Variants in NF1 observed in about 807,000 individuals in gnomAD.
NF1 encodes neurofibromin.
In NF1, 122 loss-of-function variants were observed where a neutral mutation model predicts 325.7. The ratio of observed to expected loss-of-function variants is 0.37; its 90% CI spans 0.32 to 0.44. NF1 has a LOEUF of 0.44. Among genes scored for constraint, NF1 ranks in the 20% least tolerant of loss-of-function variants. The pLI is 1.00. For missense variants in NF1, 2,140 were observed against 3,415.4 expected (o/e 0.63, Z 9.31); for synonymous variants, 1,091 against 1,186.0 (o/e 0.92, Z 1.65).
intron 50 of NF1, among the ~76,000 whole-genome samples, chr17:31,351,808 C>A (rs2151576237): frequency 6.6e-6 from 1 of 152,212 alleles, no homozygotes; most frequent in East Asian, 1.9e-4. Context: ...GCTTTGAATG[C>A]AGCCCAACAC....
chr17:31,279,347 G>A (rs1194147298), intron 36 of NF1, among the ~76,000 whole-genome samples: 3 of 152,188 alleles, frequency 2.0e-5, no homozygotes, highest in African/African-American at 7.2e-5. Context: ...ACCTGATGTT[G>A]TCTGAAAGCA....
chr17:31,297,264 C>G (rs1472950873), intron 36 of NF1: 1 of 152,308 alleles, frequency 6.6e-6, no homozygotes, highest in Non-Finnish European at 1.5e-5. Flanking sequence ...CTTGCCTGCT[C>G]AGCTGCATTG....
intron 47 of NF1, among the ~76,000 whole-genome samples, chr17:31,341,594 A>AGTGTGTGT (rs760580157): frequency 3.9e-4 from 57 of 144,940 alleles, no homozygotes; most frequent in African/African-American, 1.3e-3. Context: ...ATATATATAA[A>AGTGTGTGT]GTGTGTGTGT....
At chr17:31,193,504 C>G (rs1463294010) in intron 8 of NF1, among the ~76,000 whole-genome samples, 7 of 152,080 alleles carry the variant, frequency 4.6e-5, no homozygotes, top group Non-Finnish European at 7.3e-5. Flanking sequence ...TCCATATTGT[C>G]AAGCATTTAA....
intron 36 of NF1, chr17:31,305,409 A>G: frequency 6.2e-7 from 1 of 1,614,222 alleles, no homozygotes; most frequent in Non-Finnish European, 8.5e-7. Context: ...TTGATTGTCC[A>G]GAAAAAGTGT....
At chr17:31,096,688 A>G (rs1911754417) in intron 1 of NF1, among the ~76,000 whole-genome samples, 1 of 152,174 alleles carries the variant, frequency 6.6e-6, no homozygotes, top group South Asian at 2.1e-4. Flanking sequence ...ACATTTCTTT[A>G]CGGGACTCAG....
chr17:31,106,020 C>CT (rs2143253117), intron 1 of NF1, among the ~76,000 whole-genome samples: 3 of 152,304 alleles, frequency 2.0e-5, no homozygotes, highest in Non-Finnish European at 4.4e-5. Flanking sequence ...AGTTATGTCT[C>CT]TTAATGATCT....
chr17:31,240,938 C>G (rs1231170727), intron 29 of NF1, among the ~76,000 whole-genome samples: 1 of 151,978 alleles, frequency 6.6e-6, no homozygotes. Flanking sequence ...AGTGTAGTGG[C>G]GTGATCTTGG....
intron 13 of NF1, among the ~76,000 whole-genome samples, chr17:31,216,383 A>G (rs1345440643): frequency 6.6e-6 from 1 of 152,230 alleles, no homozygotes; most frequent in Admixed American, 6.5e-5. Flanking sequence ...CCATAAGTAC[A>G]TTAAAATAGA....
chr17:31,300,150 C>T (rs2068544966), intron 36 of NF1, among the ~76,000 whole-genome samples: 1 of 151,872 alleles, frequency 6.6e-6, no homozygotes, highest in Non-Finnish European at 1.5e-5. Flanking sequence ...ATTTTTATAT[C>T]ACCAACTTGA....
intron 46 of NF1, among the ~76,000 whole-genome samples, chr17:31,339,772 A>C (rs373452853): frequency 5.3e-5 from 8 of 152,220 alleles, no homozygotes; most frequent in African/African-American, 1.9e-4. Flanking sequence ...AAATACTTTT[A>C]ATTCAGAGCA....
chr17:31,309,514 C>A (rs951752260), intron 36 of NF1, among the ~76,000 whole-genome samples: 1 of 152,018 alleles, frequency 6.6e-6, no homozygotes, highest in South Asian at 2.1e-4. Context: ...CAAAAAAAGG[C>A]GGGGGGACTT....
At chr17:31,126,091 G>A (rs1363761952) in intron 1 of NF1, among the ~76,000 whole-genome samples, 1 of 152,154 alleles carries the variant, frequency 6.6e-6, no homozygotes, top group Non-Finnish European at 1.5e-5. Context: ...GGGAGGCTAA[G>A]GCAGGGGAAT....
At chr17:31,220,650 T>C (rs2066905614) in intron 14 of NF1, among the ~76,000 whole-genome samples, 1 of 151,958 alleles carries the variant, frequency 6.6e-6, no homozygotes, top group Non-Finnish European at 1.5e-5. Context: ...TATGGAAAAA[T>C]ATGAAATGTC....
At chr17:31,273,902 C>T (rs2151478447) in intron 36 of NF1, among the ~76,000 whole-genome samples, 1 of 152,282 alleles carries the variant, frequency 6.6e-6, no homozygotes, top group East Asian at 1.9e-4. Context: ...TTGACTCTAA[C>T]TAGATGAATT....
intron 46 of NF1, 172 bp from the exon 47 acceptor site, chr17:31,340,333 T>C: frequency 1.3e-6 from 1 of 743,614 alleles, no homozygotes; most frequent in South Asian, 1.8e-5. Context: ...TAACAGTGTC[T>C]TTAGTTATAC....
chr17:31,188,785 G>GA (rs2066286348), intron 8 of NF1, among the ~76,000 whole-genome samples: 1 of 152,022 alleles, frequency 6.6e-6, no homozygotes, highest in Non-Finnish European at 1.5e-5. Context: ...GAAAAAGAGA[G>GA]ATGGGCCTAG....
rs560625508 is a variant in NF1 at position 31,229,686 on chromosome 17, G to A, written c.2851-149G>A. ...GTATACGTGCCCTGTGTATGGGTAC[G>A]AGTGTCTGCGTATATCTGTATGCTT... On this transcript the variant is annotated intron_variant, in intron 21 of 57. Coordinates refer to ENST00000358273, the MANE Select transcript of NF1 (RefSeq NM_001042492.3). 15 of 1,068,148 alleles carry A rather than the reference G, an allele frequency of 1.4e-5. No individual in the cohort carries two copies. The East Asian group carries it at 2.6e-4, about 19-fold the overall frequency. 66.2% of individuals were successfully genotyped at this position (1,068,148 alleles called of 1,614,324 possible).
At chr17:31,163,155 G>A (rs2143669478) in intron 3 of NF1, 31 bp from the exon 4 acceptor site, 1 of 1,608,942 alleles carries the variant, frequency 6.2e-7, no homozygotes, top group Non-Finnish European at 8.5e-7. Context: ...TAAAATTAAA[G>A]TTTAGAATAA....
Sources: gnomAD v4.1 joint callset for allele counts (sites outside exome capture counted in the v4.1 genomes callset) on GRCh38, gnomAD v4.1.1 for gene constraint, MANE v1.5 for transcripts, NCBI Gene and HGNC (gene_info 2026-07-23, HGNC 2026-07-21) for gene names.